Variants in PPARGC1B observed in about 807,000 individuals in gnomAD.
PPARGC1B encodes peroxisome proliferator-activated receptor gamma coactivator 1-beta.
PPARGC1B carries 34 observed loss-of-function variants against 101.6 expected under a neutral mutation model. The ratio of observed to expected loss-of-function variants is 0.33; its 90% CI spans 0.25 to 0.45. The LOEUF is 0.45. Among genes scored for constraint, PPARGC1B ranks in the 20% least tolerant of loss-of-function variants. PPARGC1B has a pLI of 1.00. For synonymous variants in PPARGC1B, 548 were observed against 539.3 expected (o/e 1.02, Z -0.22); for missense variants, 1,234 against 1,317.6 (o/e 0.94, Z 0.98).
intron 1 of PPARGC1B, among the ~76,000 whole-genome samples, chr5:149,753,001 A>G (rs1021072754): frequency 2.6e-5 from 4 of 152,200 alleles, no homozygotes; most frequent in African/African-American, 9.7e-5. Flanking sequence ...CAAACATCGC[A>G]TATATGTGGT....
chr5:149,788,885 T>C (rs1225811532), intron 1 of PPARGC1B, among the ~76,000 whole-genome samples: 1 of 152,080 alleles, frequency 6.6e-6, no homozygotes, highest in African/African-American at 2.4e-5. Flanking sequence ...ATGAGAACAC[T>C]TGGACACAGG....
intron 2 of PPARGC1B, among the ~76,000 whole-genome samples, chr5:149,824,788 C>T (rs568745386): frequency 6.6e-6 from 1 of 152,328 alleles, no homozygotes; most frequent in South Asian, 2.1e-4. Flanking sequence ...CTGATCTACC[C>T]TCGGGCCTCC....
At chr5:149,767,541 G>A (rs555205344) in intron 1 of PPARGC1B, among the ~76,000 whole-genome samples, 1 of 152,308 alleles carries the variant, frequency 6.6e-6, no homozygotes, top group South Asian at 2.1e-4. Context: ...TGAGGCTGGA[G>A]CATCATTCCC....
chr5:149,816,911 C>A (rs1208522842), intron 1 of PPARGC1B, among the ~76,000 whole-genome samples: 1 of 152,216 alleles, frequency 6.6e-6, no homozygotes, highest in Non-Finnish European at 1.5e-5. Context: ...AACCATCTCC[C>A]TGCTTCTATG....
At chr5:149,760,385 C>T (rs144433241) in intron 1 of PPARGC1B, among the ~76,000 whole-genome samples, 67 of 152,322 alleles carry the variant, frequency 4.4e-4, no homozygotes, top group African/African-American at 1.5e-3. Flanking sequence ...GACCAACTCA[C>T]CTGGATCTGA....
chr5:149,800,455 G>A (rs1185467411), intron 1 of PPARGC1B, among the ~76,000 whole-genome samples: 2 of 152,238 alleles, frequency 1.3e-5, no homozygotes, highest in South Asian at 2.1e-4. Flanking sequence ...AAGCAATTAC[G>A]AGCCTGGTCT....
Position 149,730,339 on chromosome 5 carries a change from G to A in PPARGC1B, c.-4G>A. ...CCGCCGCACGCTGCAGCCGCGGCTGGAAGATGGCGGGGAACGACTGCGGCG... is the reference window on the plus strand; with the variant it reads ...CCGCCGCACGCTGCAGCCGCGGCTGAAAGATGGCGGGGAACGACTGCGGCG... On this transcript the variant is annotated 5_prime_UTR_variant, in exon 1 of 12. Transcript: ENST00000309241. This position sits in a 1 kb window ranked among gnomAD's most constrained non-coding sequence, Gnocchi z 4.0. The A allele has an allele frequency of 6.4e-7, 1 of 1,559,266 alleles. No individual in the cohort carries two copies. Among genetic ancestry groups the A allele is most frequent in the South Asian group, 1.2e-5 (1 of 83,402 alleles).
intron 1 of PPARGC1B, among the ~76,000 whole-genome samples, chr5:149,759,040 A>G (rs1283871225): frequency 6.6e-6 from 1 of 152,262 alleles, no homozygotes; most frequent in Non-Finnish European, 1.5e-5. Flanking sequence ...AAAACCACCC[A>G]TAATTATTTA....
At chr5:149,767,477 G>A (rs1206544511) in intron 1 of PPARGC1B, among the ~76,000 whole-genome samples, 2 of 152,186 alleles carry the variant, frequency 1.3e-5, no homozygotes, top group African/African-American at 4.8e-5. Context: ...GATGGCATTA[G>A]GATGTGCTCA....
chr5:149,832,777 C>T lies in PPARGC1B; in HGVS notation c.704C>T (p.Pro235Leu), dbSNP rs774406438. The change falls in exon 5 of 12, where the codon CCA becomes CTA. Residue 235 changes from proline (P) to leucine (L), a missense_variant. Pro to Leu is a moderately conservative substitution (Grantham distance 98, BLOSUM62 -3). Coordinates refer to ENST00000309241, the MANE Select transcript of PPARGC1B (RefSeq NM_133263.4). The surrounding 1 kb of genome is among the most constrained non-coding windows in gnomAD (Gnocchi z 4.9). ...CCLQDRGLQP[P>L]CLQSPRLPAK... ...CTGCAGGATCGGGGTCTGCAGCCACCATGCCTCCAGAGTCCCCGGCTCCCT... is the reference window on the plus strand; with the variant it reads ...CTGCAGGATCGGGGTCTGCAGCCACTATGCCTCCAGAGTCCCCGGCTCCCT... 67 of 1,613,058 alleles carry T rather than the reference C, an allele frequency of 4.2e-5. No homozygotes were observed. In the East Asian group the frequency reaches 1.4e-3, roughly 33 times the overall value.
chr5:149,739,394 A>G (rs928767594), intron 1 of PPARGC1B, among the ~76,000 whole-genome samples: 3 of 152,232 alleles, frequency 2.0e-5, no homozygotes, highest in African/African-American at 7.2e-5. Context: ...AGGTTAGGTC[A>G]GTTGCTCAGG....
intron 3 of PPARGC1B, among the ~76,000 whole-genome samples, chr5:149,830,055 G>GAAAAAAAAAAAAAAAAAAAAAAAAA (rs71587791): frequency 1.1e-5 from 1 of 89,816 alleles, no homozygotes; most frequent in Non-Finnish European, 2.1e-5. Context: ...AAAAAAAAAA[G>GAAAAAAAAAAAAAAAAAAAAAAAAA]AAAAAAAAAA....
At position 149,833,496 on chromosome 5, in the gene PPARGC1B, C is replaced by G; in HGVS notation, c.1423C>G (p.Pro475Ala). ...GAGGAAGCTGGAGAGCTCTGTGTGC[C>G]CCGTGCGGCGTTCTCGGAGACTGAA... ...LGRKLESSVCPVRRSRRLNPE... is the reference protein window; with the variant it reads ...LGRKLESSVCAVRRSRRLNPE... The change falls in exon 5 of 12, where the codon CCC becomes GCC. Residue 475 changes from proline (P) to alanine (A), a missense_variant. Physicochemically the swap from Pro to Ala is conservative, Grantham distance 27 (BLOSUM62 -1). This residue lies in a region of PPARGC1B where 734 missense variants were observed against 768.4 expected (regional missense o/e 0.96). Transcript: ENST00000309241. This position sits in a 1 kb window ranked among gnomAD's most constrained non-coding sequence, Gnocchi z 4.1. 1 of 1,564,592 alleles carries G rather than the reference C, an allele frequency of 6.4e-7. No individual in the cohort carries two copies. The highest frequency in any genetic ancestry group is 1.7e-4 in the Middle Eastern group (1 of 5,926).
chr5:149,839,911 G>A, intron 8 of PPARGC1B, 130 bp from the exon 9 acceptor site: 1 of 885,672 alleles, frequency 1.1e-6, no homozygotes, highest in Non-Finnish European at 1.8e-6. Context: ...TTCTGCGGGA[G>A]GCAGTTCCAG....
intron 1 of PPARGC1B, among the ~76,000 whole-genome samples, chr5:149,814,930 A>G (rs1757997735): frequency 6.6e-6 from 1 of 152,380 alleles, no homozygotes; most frequent in East Asian, 1.9e-4. Flanking sequence ...CACGGGCCGT[A>G]CAAACAGTGT....
At chr5:149,742,378 G>A (rs150016256) in intron 1 of PPARGC1B, among the ~76,000 whole-genome samples, 6 of 151,956 alleles carry the variant, frequency 3.9e-5, no homozygotes, top group African/African-American at 4.8e-5. Context: ...TTTGCTCTGC[G>A]ATCCCCACAG....
chr5:149,830,819 A>C lies in PPARGC1B; in HGVS notation c.518A>C (p.Gln173Pro). 6.2e-7 allele frequency: 1 copy of C among 1,614,164 alleles called. No individual in the cohort carries two copies. The highest frequency in any genetic ancestry group is 8.5e-7 in the Non-Finnish European group (1 of 1,180,014). The part of the protein sequence containing the change: ...TSYPTSSSDT[Q>P]KEGTAWRQAG... ...TACCCAACATCAAGCTCTGACACCC[A>C]GAAGGAAGGGACCGCCTGGCGCCAG... The change falls in exon 4 of 12, where the codon CAG (glutamine) becomes CCG (proline). Residue 173 changes from glutamine (Q) to proline (P), a missense_variant. Physicochemically the swap from Gln to Pro is moderately conservative, Grantham distance 76. Coordinates refer to ENST00000309241, the MANE Select transcript of PPARGC1B (RefSeq NM_133263.4).
chr5:149,736,479 C>G (rs1164385654), intron 1 of PPARGC1B, among the ~76,000 whole-genome samples: 5 of 152,118 alleles, frequency 3.3e-5, no homozygotes, highest in African/African-American at 1.2e-4. Context: ...ATCTGTCCTC[C>G]TACAAGGTAG....
At chr5:149,805,572 T>C (rs1366890516) in intron 1 of PPARGC1B, among the ~76,000 whole-genome samples, 1 of 152,136 alleles carries the variant, frequency 6.6e-6, no homozygotes, top group Non-Finnish European at 1.5e-5. Flanking sequence ...CCCGAATAGC[T>C]GGGATTACAG....
Sources: allele counts gnomAD v4.1 joint callset (sites outside exome capture counted in the v4.1 genomes callset), GRCh38; gene constraint gnomAD v4.1.1; regional missense constraint gnomAD v4.1.1; non-coding constraint Gnocchi (gnomAD v3.1); transcripts MANE v1.5; gene names NCBI Gene and HGNC (gene_info 2026-07-23, HGNC 2026-07-21).